The following CDKAL1 variants were observed in gnomAD, a reference collection of about 807,000 sequenced individuals.
CDKAL1 encodes the protein threonylcarbamoyladenosine tRNA methylthiotransferase.
Under a neutral mutation model 68.2 loss-of-function variants are expected in CDKAL1, and 32 were observed. The observed-to-expected ratio is 0.47, with a 90% CI of 0.35 to 0.63. The LOEUF is 0.63. CDKAL1 is among the 30% of genes least tolerant of loss of function. The pLI is 0.00. For missense variants in CDKAL1, 606 were observed against 696.7 expected (o/e 0.87, Z 1.47); for synonymous variants, 234 against 244.3 (o/e 0.96, Z 0.39).
At chr6:20,656,695 G>GT (rs1161712125) in intron 5 of CDKAL1, among the ~76,000 whole-genome samples, 1 of 152,060 alleles carries the variant, frequency 6.6e-6, no homozygotes, top group Admixed American at 6.5e-5. Flanking sequence ...AATATAACTT[G>GT]TGTCAATGGG....
chr6:20,945,447 C>A (rs966888062), intron 9 of CDKAL1, among the ~76,000 whole-genome samples: 1 of 152,178 alleles, frequency 6.6e-6, no homozygotes, highest in African/African-American at 2.4e-5. Flanking sequence ...TCCAAATTAT[C>A]ATATTTATAA....
chr6:20,921,068 G>T (rs1367469580), intron 9 of CDKAL1, among the ~76,000 whole-genome samples: 1 of 152,096 alleles, frequency 6.6e-6, no homozygotes, highest in Non-Finnish European at 1.5e-5. Flanking sequence ...TTGTTTGGAT[G>T]CTTTACATAA....
intron 8 of CDKAL1, among the ~76,000 whole-genome samples, chr6:20,790,491 G>A (rs529479941): frequency 6.6e-6 from 1 of 152,118 alleles, no homozygotes; most frequent in South Asian, 2.1e-4. Flanking sequence ...AGAATGCTTG[G>A]GCTCCGAACT....
chr6:21,146,093 A>G lies in CDKAL1; in HGVS notation c.1299+37630A>G, dbSNP rs190580893. On this transcript the variant is annotated intron_variant, in intron 13 of 15. Transcript: ENST00000274695. Reference sequence around the variant, plus strand: ...CTAAACTGCTAATATCCAATGTTACATCCTCCTCCTCTCCTTAATGGGTCT... The same window carrying G: ...CTAAACTGCTAATATCCAATGTTACGTCCTCCTCCTCTCCTTAATGGGTCT... 2.6e-3 allele frequency among the ~76,000 whole-genome samples: 401 copies of G among 152,276 alleles called. 3 individuals are homozygous for G. The highest frequency in any genetic ancestry group is 9.3e-3 in the African/African-American group (385 of 41,550).
chr6:20,594,615 G>A (rs1221641229), intron 4 of CDKAL1, among the ~76,000 whole-genome samples: 4 of 152,104 alleles, frequency 2.6e-5, no homozygotes, highest in African/African-American at 4.8e-5. Flanking sequence ...CATGCCGACG[G>A]GTCTTGACTC....
chr6:20,616,673 G>A (rs1442934911), intron 4 of CDKAL1, among the ~76,000 whole-genome samples: 1 of 151,274 alleles, frequency 6.6e-6, no homozygotes. Flanking sequence ...AGCTTAAGGA[G>A]ATTTTGGGCT....
intron 2 of CDKAL1, 76 bp from the exon 3 acceptor site, chr6:20,546,270 T>C (rs1763598850): frequency 8.9e-7 from 1 of 1,120,434 alleles, no homozygotes; most frequent in African/African-American, 1.6e-5. Context: ...TCAAATTTGG[T>C]GAGAATATTT....
chr6:20,824,233 C>T lies in CDKAL1; in HGVS notation c.639-21842C>T, dbSNP rs116580402. ...CTGGAGAGGACCATGTTCTTTTGAGCCACAGGTAATCATATAAGTAGACTG... is the reference window on the plus strand; with the variant it reads ...CTGGAGAGGACCATGTTCTTTTGAGTCACAGGTAATCATATAAGTAGACTG... On this transcript the variant is annotated intron_variant, in intron 8 of 15. Coordinates refer to ENST00000274695, the MANE Select transcript of CDKAL1 (RefSeq NM_017774.3). Among the ~76,000 whole-genome samples, 446 of 152,176 alleles carry T rather than the reference C, an allele frequency of 2.9e-3. 2 individuals carry two copies. Among genetic ancestry groups the T allele is most frequent in the African/African-American group, 9.9e-3 (410 of 41,524 alleles).
chr6:20,592,932 G>A (rs1318967544), intron 4 of CDKAL1, among the ~76,000 whole-genome samples: 1 of 152,128 alleles, frequency 6.6e-6, no homozygotes, highest in African/African-American at 2.4e-5. Context: ...ATAATCATGT[G>A]TTTTTTGTCA....
intron 7 of CDKAL1, among the ~76,000 whole-genome samples, chr6:20,778,723 A>G (rs1775285161): frequency 6.6e-6 from 1 of 152,214 alleles, no homozygotes; most frequent in African/African-American, 2.4e-5. Flanking sequence ...CCAATATTTC[A>G]GTGTGAATCT....
At chr6:20,846,903 C>T (rs944348232) in intron 9 of CDKAL1, among the ~76,000 whole-genome samples, 1 of 152,178 alleles carries the variant, frequency 6.6e-6, no homozygotes, top group Admixed American at 6.5e-5. Context: ...TGTGTTTTTA[C>T]TCCCAACATG....
chr6:20,605,821 A>C (rs1162196785), intron 4 of CDKAL1, among the ~76,000 whole-genome samples: 1 of 152,180 alleles, frequency 6.6e-6, no homozygotes, highest in Non-Finnish European at 1.5e-5. Context: ...CCGTTACTCC[A>C]TTCTTTTGAG....
chr6:20,741,067 C>T (rs1454598291), intron 6 of CDKAL1, among the ~76,000 whole-genome samples: 1 of 152,088 alleles, frequency 6.6e-6, no homozygotes, highest in Admixed American at 6.6e-5. Context: ...AGGCTCTTCT[C>T]TGCATACATT....
At chr6:20,575,756 T>G (rs1273189012) in intron 4 of CDKAL1, among the ~76,000 whole-genome samples, 5 of 152,228 alleles carry the variant, frequency 3.3e-5, no homozygotes, top group African/African-American at 4.8e-5. Context: ...CTGGATCTTT[T>G]TTTCCCTAGC....
chr6:20,547,992 G>A (rs1763669857), intron 3 of CDKAL1, among the ~76,000 whole-genome samples: 1 of 152,108 alleles, frequency 6.6e-6, no homozygotes, highest in South Asian at 2.1e-4. Flanking sequence ...ACCTTTCCAG[G>A]AGTTGAACTT....
At chr6:21,226,731 G>C (rs1385025779) in intron 15 of CDKAL1, among the ~76,000 whole-genome samples, 3 of 151,972 alleles carry the variant, frequency 2.0e-5, no homozygotes, top group African/African-American at 7.3e-5. Context: ...TTTTGTTTTT[G>C]AGATGGAGTC....
intron 1 of CDKAL1, among the ~76,000 whole-genome samples, chr6:20,534,884 C>T (rs1026882388): frequency 1.3e-5 from 2 of 152,182 alleles, no homozygotes; most frequent in Admixed American, 6.5e-5. Flanking sequence ...TGTGACAAGG[C>T]TTTCGCAGTT....
chr6:20,698,090 G>A (rs1049620126), intron 5 of CDKAL1, among the ~76,000 whole-genome samples: 10 of 152,110 alleles, frequency 6.6e-5, no homozygotes, highest in African/African-American at 2.4e-4. Flanking sequence ...AGTCAGTTTT[G>A]TGATGTTCCA....
At chr6:21,005,024 G>A (rs1767647389) in intron 11 of CDKAL1, among the ~76,000 whole-genome samples, 1 of 151,384 alleles carries the variant, frequency 6.6e-6, no homozygotes, top group Non-Finnish European at 1.5e-5. Context: ...ATCATTCATT[G>A]TCACATAACT....
Sources: gnomAD v4.1 joint callset for allele counts (sites outside exome capture counted in the v4.1 genomes callset) on GRCh38, gnomAD v4.1.1 for gene constraint, MANE v1.5 for transcripts, NCBI Gene and HGNC (gene_info 2026-07-23, HGNC 2026-07-21) for gene names.